The following RADIL variants were observed in gnomAD, a reference collection of about 807,000 sequenced individuals.
RADIL encodes the protein ras-associating and dilute domain-containing protein.
Under a neutral mutation model 97.6 loss-of-function variants are expected in RADIL, and 99 were observed. That is an observed-to-expected ratio of 1.01 (90% CI 0.86 to 1.20). The LOEUF (loss-of-function observed/expected upper bound fraction) is 1.20. RADIL is among the 50% of genes most tolerant of loss of function. RADIL has a pLI of 0.00. For missense variants in RADIL, 1,765 were observed against 1,498.9 expected (o/e 1.18, Z -2.93); for synonymous variants, 803 against 691.8 (o/e 1.16, Z -2.52).
chr7:4,842,356 A>C lies in RADIL; in HGVS notation c.536-5751T>G, dbSNP rs1031198107. ...CCTGGGCCAAGCCGAGCTGCTGAGC[A>C]CATCCTCATCTCCAAGGTGAGAAAC... On this transcript the variant is annotated intron_variant, in intron 2 of 14. Transcript: ENST00000399583. This position sits in a 1 kb window ranked among gnomAD's most constrained non-coding sequence, Gnocchi z 4.5. 6.6e-6 allele frequency among the ~76,000 whole-genome samples: 1 copy of C among 152,166 alleles called. No individual in the cohort carries two copies. Among genetic ancestry groups the C allele is most frequent in the Non-Finnish European group, 1.5e-5 (1 of 68,010 alleles).
rs997328666 is a variant in RADIL, at chr7:4,876,869, C to T, written c.535+736G>A. On this transcript the variant is annotated intron_variant, in intron 2 of 14. Transcript: ENST00000399583. ...GTGGTCACCTCTGGAGACCTTGCAA[C>T]CCGGCAATGCCACGTAGGTTTTGGC... is the stretch of plus-strand genomic sequence containing the variant. Among the ~76,000 whole-genome samples the T allele has an allele frequency of 2.6e-5, 4 of 152,260 alleles. No homozygotes were observed. In the East Asian group the frequency reaches 5.8e-4, roughly 22 times the overall value.
chr7:4,870,030 G>A (rs4720434), intron 2 of RADIL, among the ~76,000 whole-genome samples: 2 of 152,016 alleles, frequency 1.3e-5, no homozygotes, highest in Non-Finnish European at 1.5e-5. Flanking sequence ...TCTCAGCTAC[G>A]CAGAGGGGCT....
At position 4,837,779 on chromosome 7, in the gene RADIL, A is replaced by T; in HGVS notation, c.536-1174T>A. 1 of 932,460 alleles carries T rather than the reference A, an allele frequency of 1.1e-6. No homozygotes were observed. The highest frequency in any genetic ancestry group is 1.3e-6 in the Non-Finnish European group (1 of 781,962). The allele number at this position is 932,460 out of a possible 1,614,324, so 57.8% of individuals were successfully genotyped here. On this transcript the variant is annotated intron_variant, in intron 2 of 14. Transcript: ENST00000399583. This position sits in a 1 kb window ranked among gnomAD's most constrained non-coding sequence, Gnocchi z 5.6. ...TCATAAATACAGACACGCTCTCTAA[A>T]TGCATGCTCTGGGAAAGCCAGCCGG...
At chr7:4,829,334 C>T (rs985612142) in intron 5 of RADIL, among the ~76,000 whole-genome samples, 2 of 152,162 alleles carry the variant, frequency 1.3e-5, no homozygotes, top group African/African-American at 4.8e-5. Context: ...TGCATGGCAT[C>T]GGGACCTGGC....
chr7:4,864,806 T>G (rs1357517024), intron 2 of RADIL, among the ~76,000 whole-genome samples: 2 of 152,210 alleles, frequency 1.3e-5, no homozygotes, highest in East Asian at 3.9e-4. Flanking sequence ...AACTCTCATT[T>G]CAACTTCTAC....
At chr7:4,859,607 T>C (rs1476721127) in intron 2 of RADIL, 1 of 366,756 alleles carries the variant, frequency 2.7e-6, no homozygotes, top group East Asian at 5.5e-5. Context: ...CCTTCCTTAG[T>C]ATTTGAAGAC....
chr7:4,823,091 C>A (rs1397758446), intron 5 of RADIL, among the ~76,000 whole-genome samples: 1 of 152,076 alleles, frequency 6.6e-6, no homozygotes, highest in Non-Finnish European at 1.5e-5. Flanking sequence ...CAGAAAATCA[C>A]GTGTAAAGTC....
chr7:4,802,470 G>T (rs564297193), intron 11 of RADIL, among the ~76,000 whole-genome samples: 10 of 123,252 alleles, frequency 8.1e-5, no homozygotes, highest in African/African-American at 2.3e-4. Flanking sequence ...CTCGGGGCAC[G>T]CTGGCTGGGG....
chr7:4,857,190 A>T (rs1422418517), intron 2 of RADIL, among the ~76,000 whole-genome samples: 1 of 152,186 alleles, frequency 6.6e-6, no homozygotes, highest in African/African-American at 2.4e-5. Context: ...AATGTTCCTG[A>T]TGCTGTAGGA....
rs1337656872 is a variant in RADIL at position 4,819,216 on chromosome 7, C to T, written c.1616-1865G>A. On this transcript the variant is annotated intron_variant, in intron 6 of 14. Transcript: ENST00000399583. The surrounding 1 kb of genome is among the most constrained non-coding windows in gnomAD (Gnocchi z 5.8). The stretch of plus-strand genomic sequence containing the variant: ...CCTCCCAAGTAGCTAGGACTACAGG[C>T]ACATGCCACCATGCCTGGCTAATTT... Among the ~76,000 whole-genome samples, 2 of 152,028 alleles carry T rather than the reference C, an allele frequency of 1.3e-5. No homozygotes were observed. The highest frequency in any genetic ancestry group is 4.8e-5 in the African/African-American group (2 of 41,390).
At chr7:4,839,977 G>A (rs933697005) in intron 2 of RADIL, among the ~76,000 whole-genome samples, 8 of 152,288 alleles carry the variant, frequency 5.3e-5, no homozygotes, top group African/African-American at 1.9e-4. Context: ...TCGAACTCCT[G>A]ACCTCAAGTG....
At chr7:4,846,338 G>A (rs973622772) in intron 2 of RADIL, among the ~76,000 whole-genome samples, 5 of 151,734 alleles carry the variant, frequency 3.3e-5, no homozygotes, top group African/African-American at 9.7e-5. Context: ...GGAGAGACGG[G>A]GTTTCACCAT....
chr7:4,862,054 G>T, intron 2 of RADIL: 1 of 385,432 alleles, frequency 2.6e-6, no homozygotes. Flanking sequence ...GGGCGCCTGC[G>T]CACCCGCCGC....
intron 2 of RADIL, among the ~76,000 whole-genome samples, chr7:4,863,122 T>C (rs1784058930): frequency 6.6e-6 from 1 of 152,152 alleles, no homozygotes; most frequent in Non-Finnish European, 1.5e-5. Flanking sequence ...CGTGTGTCTT[T>C]CTGGGTGATG....
rs902085528 is a variant in RADIL, at chr7:4,867,896, C to T, written c.535+9709G>A. Among the ~76,000 whole-genome samples the T allele has an allele frequency of 2.0e-5, 3 of 152,232 alleles. No homozygotes were observed. The highest frequency in any genetic ancestry group is 7.2e-5 in the African/African-American group (3 of 41,460). Reference sequence around the variant, plus strand: ...CTGCCAACAGATTGGAAACCCATGGCCACACAAAGCAGAGAGAAGCTTGGC... The same window carrying T: ...CTGCCAACAGATTGGAAACCCATGGTCACACAAAGCAGAGAGAAGCTTGGC... On this transcript the variant is annotated intron_variant, in intron 2 of 14. Coordinates refer to ENST00000399583, the MANE Select transcript of RADIL (RefSeq NM_018059.5). The surrounding 1 kb of genome is among the most constrained non-coding windows in gnomAD (Gnocchi z 4.1).
At position 4,824,581 on chromosome 7, in the gene RADIL, C is replaced by T. The variant is rs567588520; in HGVS notation, c.1455-2027G>A. 6.6e-6 allele frequency among the ~76,000 whole-genome samples: 1 copy of T among 152,348 alleles called. No individual in the cohort carries two copies. The highest frequency in any genetic ancestry group is 1.9e-4 in the East Asian group (1 of 5,188). On this transcript the variant is annotated intron_variant, in intron 5 of 14. Coordinates refer to ENST00000399583, the MANE Select transcript of RADIL (RefSeq NM_018059.5). The surrounding 1 kb of genome is among the most constrained non-coding windows in gnomAD (Gnocchi z 6.7). Reference sequence around the variant, plus strand: ...TTGCCTGCTCTCTCTGACGTCACTTCACTTTTGTCCACAAACAATGTTGAC... The same window carrying T: ...TTGCCTGCTCTCTCTGACGTCACTTTACTTTTGTCCACAAACAATGTTGAC...
Position 4,873,446 on chromosome 7 carries a change from T to G in RADIL, c.535+4159A>C, listed in dbSNP as rs190051620. Among the ~76,000 whole-genome samples, 2 of 152,286 alleles carry G rather than the reference T, an allele frequency of 1.3e-5. No individual in the cohort carries two copies. The highest frequency in any genetic ancestry group is 3.9e-4 in the East Asian group (2 of 5,166). On this transcript the variant is annotated intron_variant, in intron 2 of 14. Coordinates refer to ENST00000399583, the MANE Select transcript of RADIL (RefSeq NM_018059.5). The surrounding 1 kb of genome is among the most constrained non-coding windows in gnomAD (Gnocchi z 4.3). ...GGTCCCTTCCCTTTCTCGCCACTTT[T>G]TCCAGGTGAGATCGAACTGTTATCT...
chr7:4,801,619 G>A (rs754447549), intron 12 of RADIL, 34 bp downstream of exon 12: 5 of 1,555,600 alleles, frequency 3.2e-6, no homozygotes, highest in Non-Finnish European at 4.3e-6. Flanking sequence ...GGGGTCTGGG[G>A]TGGGTTCCCG....
At chr7:4,861,444 T>G in intron 2 of RADIL, 1 of 1,614,168 alleles carries the variant, frequency 6.2e-7, no homozygotes, top group Non-Finnish European at 8.5e-7. Flanking sequence ...TCCACATGAC[T>G]TGGTGCAACG....
Sources: gnomAD v4.1 joint callset for allele counts (sites outside exome capture counted in the v4.1 genomes callset) on GRCh38, gnomAD v4.1.1 for gene constraint, Gnocchi (gnomAD v3.1) non-coding constraint, MANE v1.5 for transcripts, NCBI Gene and HGNC (gene_info 2026-07-23, HGNC 2026-07-21) for gene names.